Variants in NEDD1 observed in about 807,000 individuals in gnomAD.
NEDD1 encodes the protein protein NEDD1.
A neutral mutation model predicts 74.0 loss-of-function variants in NEDD1; 33 were observed. The ratio of observed to expected loss-of-function variants is 0.45; its 90% confidence interval spans 0.34 to 0.60. The LOEUF (loss-of-function observed/expected upper bound fraction) is 0.60. Among genes scored for constraint, NEDD1 ranks in the 20% least tolerant of loss-of-function variants. NEDD1 has a pLI of 0.01. For synonymous variants in NEDD1, 250 were observed against 264.4 expected, an observed-to-expected ratio of 0.95 and a Z score of 0.53; for missense variants, 746 against 776.5, an observed-to-expected ratio of 0.96 and a Z score of 0.47.
chr12:96,916,583 AC>A (rs1874487021), intron 4 of NEDD1, among the ~76,000 whole-genome samples: 1 of 146,034 alleles, frequency 6.8e-6, no homozygotes, highest in Non-Finnish European at 1.5e-5. Flanking sequence ...AAGGACATGA[AC>A]TCATCATTTT....
intron 13 of NEDD1, 86 bp from the exon 14 acceptor site, chr12:96,945,607 T>A: frequency 1.2e-6 from 1 of 812,570 alleles, no homozygotes; most frequent in East Asian, 2.6e-5. Flanking sequence ...GTTTTTCAAG[T>A]TTGCACATGC....
At chr12:96,947,022 A>C (rs1878261101) in intron 14 of NEDD1, among the ~76,000 whole-genome samples, 1 of 152,122 alleles carries the variant, frequency 6.6e-6, no homozygotes, top group African/African-American at 2.4e-5. Flanking sequence ...TCACTTCTTC[A>C]CAGTAAGGGT....
chr12:96,936,573 C>G (rs753532603), intron 7 of NEDD1, 38 bp from the exon 8 acceptor site: 5 of 1,435,524 alleles, frequency 3.5e-6, no homozygotes, highest in South Asian at 1.1e-5. Context: ...CCTGTACACA[C>G]TAACATTTCT....
At chr12:96,911,945 C>T (rs1873957790) in intron 3 of NEDD1, among the ~76,000 whole-genome samples, 1 of 152,072 alleles carries the variant, frequency 6.6e-6, no homozygotes, top group South Asian at 2.1e-4. Flanking sequence ...TGCTAAAAAG[C>T]ACAGATTTAA....
At chr12:96,946,740 A>G (rs564450710) in intron 14 of NEDD1, among the ~76,000 whole-genome samples, 1 of 152,274 alleles carries the variant, frequency 6.6e-6, no homozygotes, top group East Asian at 1.9e-4. Flanking sequence ...GAATTAATTC[A>G]TTTGGGATCA....
At chr12:96,921,918 G>A (rs899518577) in intron 6 of NEDD1, among the ~76,000 whole-genome samples, 20 of 152,006 alleles carry the variant, frequency 1.3e-4, no homozygotes, top group Non-Finnish European at 2.8e-4. Context: ...ACCCAGCTGG[G>A]AGAGGGATGT....
intron 5 of NEDD1, among the ~76,000 whole-genome samples, chr12:96,918,380 A>T (rs761505135): frequency 7.5e-5 from 11 of 145,934 alleles, no homozygotes; most frequent in Non-Finnish European, 1.5e-4. Flanking sequence ...CTTAAAATTA[A>T]TTTTTGTCTT....
At chr12:96,928,681 C>CTTTTTTTTTTTTTTTTT (rs34575410) in intron 6 of NEDD1, among the ~76,000 whole-genome samples, 1 of 87,694 alleles carries the variant, frequency 1.1e-5, no homozygotes, top group Non-Finnish European at 2.2e-5. Flanking sequence ...TAGTGTGTTT[C>CTTTTTTTTTTTTTTTTT]TTTTTTTTTT....
chr12:96,922,587 G>A (rs568685253), intron 6 of NEDD1, among the ~76,000 whole-genome samples: 1 of 152,144 alleles, frequency 6.6e-6, no homozygotes, highest in East Asian at 1.9e-4. Flanking sequence ...AAAACATTAG[G>A]TTTGACTATA....
intron 6 of NEDD1, among the ~76,000 whole-genome samples, chr12:96,932,453 AAAAAAAAAAAATATAT>A (rs1297028326): frequency 3.0e-4 from 4 of 13,512 alleles, no homozygotes; most frequent in South Asian, 2.9e-3. Context: ...AAAAAAAAAA[AAAAAAAAAAAATATAT>A]ATATATATAT....
In NEDD1 at chr12:96,929,628, T is replaced by A. The variant is rs935517136; in HGVS notation, c.490-5348T>A. Among the ~76,000 whole-genome samples, 88 of 146,336 alleles carry A rather than the reference T, an allele frequency of 6.0e-4. 1 individual carries two copies. The highest frequency in any genetic ancestry group is 2.0e-4 in the East Asian group (1 of 5,106). ...ATGTGTATATATATATATATATTTT[T>A]TTTTTAATGGCTGCTTGCTTTCTGG... On this transcript the variant is annotated intron_variant, in intron 6 of 15. Coordinates refer to ENST00000266742, the MANE Select transcript of NEDD1 (RefSeq NM_152905.4).
In NEDD1 at chr12:96,912,745, T is replaced by C; in HGVS notation, c.159T>C (p.Ser53=). 1 of 1,602,580 alleles carries C rather than the reference T, an allele frequency of 6.2e-7. No individual in the cohort carries two copies. Among genetic ancestry groups the C allele is most frequent in the African/African-American group, 1.3e-5 (1 of 74,784 alleles). The change falls in exon 4 of 16, where the codon TCT becomes TCC. Residue 53 remains serine, a synonymous_variant. Transcript: ENST00000266742. ...TAGATAACTTTTTAGTAACAGCATCTTCCAGTGGCGACAAAATAGTTGTCT... is the reference window on the plus strand; with the variant it reads ...TAGATAACTTTTTAGTAACAGCATCCTCCAGTGGCGACAAAATAGTTGTCT... The part of the protein sequence containing the change: ...SSNNNFLVTA[S]SSGDKIVVSS...
chr12:96,920,789 G>A (rs1323824943), intron 6 of NEDD1, among the ~76,000 whole-genome samples: 3 of 152,032 alleles, frequency 2.0e-5, no homozygotes, highest in Non-Finnish European at 4.4e-5. Flanking sequence ...TTACTTAATT[G>A]TAATCTCTTT....
At chr12:96,912,271 TA>T (rs1453853055) in intron 3 of NEDD1, among the ~76,000 whole-genome samples, 5 of 151,852 alleles carry the variant, frequency 3.3e-5, no homozygotes, top group East Asian at 1.9e-4. Context: ...TTTTTTTTTT[TA>T]AATAGAAAAA....
At chr12:96,934,018 C>G (rs1246717668) in intron 6 of NEDD1, among the ~76,000 whole-genome samples, 1 of 152,284 alleles carries the variant, frequency 6.6e-6, no homozygotes, top group African/African-American at 2.4e-5. Context: ...GCATTGCCCT[C>G]AGGCTAATGG....
intron 6 of NEDD1, among the ~76,000 whole-genome samples, chr12:96,923,684 A>G (rs955763155): frequency 6.6e-6 from 1 of 151,912 alleles, no homozygotes; most frequent in African/African-American, 2.4e-5. Context: ...TTTAAAATTT[A>G]TTTATAATTT....
Position 96,952,767 on chromosome 12 carries a change from A to G in NEDD1, c.*714A>G, listed in dbSNP as rs1878823339. 6.6e-6 allele frequency: 1 copy of G among 151,680 alleles called. No homozygotes were observed. The highest frequency in any genetic ancestry group is 1.5e-5 in the Non-Finnish European group (1 of 67,674). 9.4% of individuals were successfully genotyped at this position (151,680 alleles called of 1,614,324 possible). A position where few individuals can be genotyped will look rare whatever the true frequency, so the allele number is the denominator to read the frequency against. ...AGGACTCGACAAGAGCTATCTGGTG[A>G]TTTTCTCATTAGTAACATGCAACGT... On this transcript the variant is annotated 3_prime_UTR_variant, in exon 16 of 16. Transcript: ENST00000266742.
intron 9 of NEDD1, among the ~76,000 whole-genome samples, chr12:96,939,617 C>T (rs1877467052): frequency 6.6e-6 from 1 of 151,950 alleles, no homozygotes; most frequent in Non-Finnish European, 1.5e-5. Context: ...ATCCTGATGG[C>T]AGACTTTAAT....
In NEDD1 at chr12:96,945,822, T is replaced by A. The variant is rs146651626; in HGVS notation, c.1784T>A (p.Met595Lys). Residue 595 changes from methionine to lysine, a missense_variant, in exon 14 of 16, where the codon ATG becomes AAG. Met to Lys is a moderately conservative substitution (Grantham distance 95). Coordinates refer to ENST00000266742, the MANE Select transcript of NEDD1 (RefSeq NM_152905.4). ...TSIQIRFIQN[M>K]IQETLDDFRE... ...ATTCAAATTCGTTTTATTCAGAACA[T>A]GATACAGGAAACGTTGGATGACTTT... 1.2e-6 allele frequency: 2 copies of A among 1,611,512 alleles called. No individual in the cohort carries two copies. The highest frequency in any genetic ancestry group is 1.3e-5 in the African/African-American group (1 of 74,814).
Sources: allele counts gnomAD v4.1 joint callset (sites outside exome capture counted in the v4.1 genomes callset), GRCh38; gene constraint gnomAD v4.1.1; transcripts MANE v1.5; gene names NCBI Gene and HGNC (gene_info 2026-07-23, HGNC 2026-07-21).